Variants in PEBP4 observed in about 807,000 individuals in gnomAD.
PEBP4 encodes phosphatidylethanolamine binding protein 4.
In PEBP4, 22 loss-of-function variants were observed where a neutral mutation model predicts 23.9. That is an observed-to-expected ratio of 0.92 (90% CI 0.66 to 1.31). PEBP4 has a LOEUF of 1.31. Ranked by LOEUF, PEBP4 falls within the 40% of genes most tolerant of loss-of-function variation. PEBP4 has a pLI of 0.00. For synonymous variants in PEBP4, 112 were observed against 99.3 expected (o/e 1.13, Z -0.76); for missense variants, 324 against 281.7 (o/e 1.15, Z -1.07).
intron 4 of PEBP4, among the ~76,000 whole-genome samples, chr8:22,793,861 C>T (rs1202457746): frequency 6.6e-6 from 1 of 152,148 alleles, no homozygotes; most frequent in Admixed American, 6.5e-5. Context: ...ATTTGACATT[C>T]AATACACACA....
intron 4 of PEBP4, among the ~76,000 whole-genome samples, chr8:22,800,504 G>T (rs147536763): frequency 6.6e-6 from 1 of 152,008 alleles, no homozygotes; most frequent in African/African-American, 2.4e-5. Context: ...CTTCAGGCAC[G>T]TGTTGTGACT....
intron 1 of PEBP4, among the ~76,000 whole-genome samples, chr8:22,936,397 C>T (rs972184468): frequency 6.6e-6 from 1 of 152,044 alleles, no homozygotes; most frequent in Non-Finnish European, 1.5e-5. Context: ...CCTACCAAGA[C>T]TGAATCATAA....
chr8:22,763,409 G>A (rs367814542), intron 4 of PEBP4, among the ~76,000 whole-genome samples: 5 of 152,188 alleles, frequency 3.3e-5, no homozygotes, highest in African/African-American at 1.2e-4. Flanking sequence ...TCCAATCCCC[G>A]ACAGCGGTCA....
intron 4 of PEBP4, among the ~76,000 whole-genome samples, chr8:22,730,138 G>A (rs923304957): frequency 3.9e-5 from 6 of 152,190 alleles, no homozygotes. Context: ...TCTATGGGAG[G>A]CATCATTTTC....
At chr8:22,744,952 C>T (rs370298452) in intron 4 of PEBP4, among the ~76,000 whole-genome samples, 5 of 152,154 alleles carry the variant, frequency 3.3e-5, no homozygotes, top group African/African-American at 7.2e-5. Flanking sequence ...GAGTTCCAAT[C>T]GGCAGCAGAT....
At chr8:22,878,210 T>TGGAGAG (rs1554493707) in intron 3 of PEBP4, 1 of 115,680 alleles carries the variant, frequency 8.6e-6, no homozygotes, top group Non-Finnish European at 1.9e-5. Flanking sequence ...AGGGTGAGCA[T>TGGAGAG]GGAGAGGGAG....
intron 4 of PEBP4, among the ~76,000 whole-genome samples, chr8:22,789,390 A>C (rs2128756569): frequency 6.6e-6 from 1 of 152,262 alleles, no homozygotes; most frequent in Non-Finnish European, 1.5e-5. Context: ...GACAGTGACT[A>C]GTCAGAGATG....
chr8:22,917,459 G>C (rs530888648), intron 3 of PEBP4, among the ~76,000 whole-genome samples: 2 of 151,976 alleles, frequency 1.3e-5, no homozygotes, highest in African/African-American at 2.4e-5. Context: ...GCTTCCCTTC[G>C]GCCAGCCCAC....
At chr8:22,892,545 A>G (rs1297490026) in intron 3 of PEBP4, among the ~76,000 whole-genome samples, 2 of 152,174 alleles carry the variant, frequency 1.3e-5, no homozygotes, top group African/African-American at 2.4e-5. Flanking sequence ...AAGCTAGAGT[A>G]TGGTTTCCAT....
chr8:22,835,951 G>A (rs947028448), intron 3 of PEBP4, among the ~76,000 whole-genome samples: 3 of 152,242 alleles, frequency 2.0e-5, no homozygotes, highest in African/African-American at 2.4e-5. Context: ...CACAGTTACT[G>A]AGGGAGACAG....
At chr8:22,854,290 A>G (rs1479170290) in intron 3 of PEBP4, among the ~76,000 whole-genome samples, 1 of 152,182 alleles carries the variant, frequency 6.6e-6, no homozygotes, top group Non-Finnish European at 1.5e-5. Context: ...ATTTCCCTAC[A>G]TCTGCCAGGA....
chr8:22,806,971 A>G (rs1226005257), intron 4 of PEBP4, among the ~76,000 whole-genome samples: 2 of 152,206 alleles, frequency 1.3e-5, no homozygotes, highest in Non-Finnish European at 2.9e-5. Flanking sequence ...CCTAATGTGC[A>G]CTGTTTTCTT....
At chr8:22,793,163 G>A (rs1470006796) in intron 4 of PEBP4, among the ~76,000 whole-genome samples, 1 of 152,138 alleles carries the variant, frequency 6.6e-6, no homozygotes, top group African/African-American at 2.4e-5. Flanking sequence ...AATGAGTTGT[G>A]CTCTAATTAC....
chr8:22,921,995 C>A (rs1809212198), intron 2 of PEBP4, among the ~76,000 whole-genome samples: 1 of 152,162 alleles, frequency 6.6e-6, no homozygotes, highest in Admixed American at 6.5e-5. Flanking sequence ...AACCCCTCTC[C>A]CCTTTTTATC....
At chr8:22,855,602 T>A (rs1248280805) in intron 3 of PEBP4, among the ~76,000 whole-genome samples, 1 of 152,194 alleles carries the variant, frequency 6.6e-6, no homozygotes, top group Non-Finnish European at 1.5e-5. Context: ...TCCCTGGAAC[T>A]CAGCGTTAAA....
chr8:22,855,771 T>G (rs144462167), intron 3 of PEBP4, among the ~76,000 whole-genome samples: 2 of 152,256 alleles, frequency 1.3e-5, no homozygotes, highest in South Asian at 2.1e-4. Context: ...CCAGGCATGA[T>G]AGCTCACGCC....
intron 1 of PEBP4, among the ~76,000 whole-genome samples, chr8:22,938,194 C>T (rs1809565978): frequency 6.6e-6 from 1 of 152,162 alleles, no homozygotes; most frequent in South Asian, 2.1e-4. Context: ...TTCTCTAGAA[C>T]CCCCTTCGAC....
chr8:22,927,838 G>A lies in PEBP4; in HGVS notation c.-22C>T. 9.9e-6 allele frequency: 13 copies of A among 1,308,568 alleles called. 1 individual carries two copies. In the South Asian group the frequency reaches 1.8e-4, roughly 18 times the overall value. 81.1% of individuals were successfully genotyped at this position (1,308,568 alleles called of 1,614,324 possible). A position where few individuals can be genotyped will look rare whatever the true frequency, so the allele number is the denominator to read the frequency against. Reference sequence around the variant, plus strand: ...GGATAGAGACCTCTGGTTAAGCACAGGGAGAAGGACAGGCAGCTTCCAGGG... The same window carrying A: ...GGATAGAGACCTCTGGTTAAGCACAAGGAGAAGGACAGGCAGCTTCCAGGG... On this transcript the variant is annotated 5_prime_UTR_variant, in exon 1 of 7. Coordinates refer to ENST00000256404, the MANE Select transcript of PEBP4 (RefSeq NM_144962.3).
intron 4 of PEBP4, among the ~76,000 whole-genome samples, chr8:22,738,580 T>TA: frequency 6.6e-6 from 1 of 152,150 alleles, no homozygotes; most frequent in East Asian, 1.9e-4. Flanking sequence ...CAAGGGGGCC[T>TA]AGGGGCAACC....
Sources: allele counts gnomAD v4.1 joint callset (sites outside exome capture counted in the v4.1 genomes callset), GRCh38; gene constraint gnomAD v4.1.1; transcripts MANE v1.5; gene names NCBI Gene and HGNC (gene_info 2026-07-23, HGNC 2026-07-21).